The following TSPYL5 variants were observed in gnomAD, a reference collection of about 807,000 sequenced individuals.
TSPYL5 encodes TSPY like 5, also known as testis-specific Y-encoded-like protein 5.
For synonymous variants in TSPYL5, 276 were observed against 236.1 expected, an observed-to-expected ratio of 1.17 and a Z score of -1.55; for missense variants, 556 against 555.5, an observed-to-expected ratio of 1.00 and a Z score of -0.01.
rs1810498289 is a variant in TSPYL5 at position 97,275,480 on chromosome 8, A to G, written c.*1111T>C. ...GGGATGAAGGCAGGCAAGCAAAATAAGAAGTATAAGTGACCTGAAGTCAAG... is the reference window on the plus strand; with the variant it reads ...GGGATGAAGGCAGGCAAGCAAAATAGGAAGTATAAGTGACCTGAAGTCAAG... On this transcript the variant is annotated 3_prime_UTR_variant, in exon 1 of 1. Transcript: ENST00000322128. 1 of 152,158 alleles carries G rather than the reference A, an allele frequency of 6.6e-6. No individual in the cohort carries two copies. Among genetic ancestry groups the G allele is most frequent in the South Asian group, 2.1e-4 (1 of 4,814 alleles). 9.4% of individuals were successfully genotyped at this position (152,158 alleles called of 1,614,324 possible). A position where few individuals can be genotyped will look rare whatever the true frequency, so the allele number is the denominator to read the frequency against.
chr8:97,276,970 T>C lies in TSPYL5; in HGVS notation c.875A>G (p.Tyr292Cys). 6.2e-7 allele frequency: 1 copy of C among 1,614,218 alleles called. No individual in the cohort carries two copies. The highest frequency in any genetic ancestry group is 8.5e-7 in the Non-Finnish European group (1 of 1,180,038). Residue 292 changes from tyrosine to cysteine, a missense_variant, in exon 1 of 1, where the codon TAC (tyrosine) becomes TGC (cysteine). Transcript: ENST00000322128. ...GCGATCGAAGTAGAACTTGATTTTG[T>C]AGCCCAATCTGGCAAGGCCGAGCTC... ...VEELGLARLG[Y>C]KIKFYFDRNP...
Position 97,277,709 on chromosome 8 carries a change from C to T in TSPYL5, c.136G>A (p.Glu46Lys). 2 of 1,560,322 alleles carry T rather than the reference C, an allele frequency of 1.3e-6. No homozygotes were observed. Among genetic ancestry groups the T allele is most frequent in the Non-Finnish European group, 1.7e-6 (2 of 1,157,108 alleles). Residue 46 changes from glutamate to lysine, a missense_variant, in exon 1 of 1, where the codon GAA becomes AAA. Transcript: ENST00000322128. This position sits in a 1 kb window ranked among gnomAD's most constrained non-coding sequence, Gnocchi z 4.5. Reference protein sequence around the residue: ...PDPSQYQSLGEDTQAAQVQAG... With the variant: ...PDPSQYQSLGKDTQAAQVQAG... ...TGCACCTGTGCCGCCTGGGTGTCTT[C>T]CCCGAGACTCTGGTACTGTGAAGGG...
Position 97,274,725 on chromosome 8 carries a change from GCCTC to G in TSPYL5, c.*1862_*1865del, listed in dbSNP as rs1205367037. ...ACTCTCTTGAGGAACTTAGAATGAG[GCCTC>G]CCTAACAAAAGAGAAGGTAGGGAAG... On this transcript the variant is annotated 3_prime_UTR_variant, in exon 1 of 1. Coordinates refer to ENST00000322128, the MANE Select transcript of TSPYL5 (RefSeq NM_033512.3). 4 of 152,146 alleles carry G rather than the reference GCCTC, an allele frequency of 2.6e-5. No homozygotes were observed. The highest frequency in any genetic ancestry group is 7.2e-5 in the African/African-American group (3 of 41,424). 9.4% of individuals were successfully genotyped at this position (152,146 alleles called of 1,614,324 possible).
Position 97,277,171 on chromosome 8 carries a change from C to T in TSPYL5, c.674G>A (p.Arg225Gln). 1 of 1,611,614 alleles carries T rather than the reference C, an allele frequency of 6.2e-7. No homozygotes were observed. The highest frequency in any genetic ancestry group is 2.2e-5 in the East Asian group (1 of 44,884). The stretch of plus-strand genomic sequence containing the variant: ...CAACTGCCCAAACTTCCTGGAGAGC[C>T]GAAGGTAGGCCCTGTCCGCCTGGGC... ...MNAQADRAYL[R>Q]LSRKFGQLRL... The change falls in exon 1 of 1, where the codon CGG (arginine) becomes CAG (glutamine). Residue 225 changes from arginine (R) to glutamine (Q), a missense_variant. Arg to Gln is a conservative substitution (Grantham distance 43, BLOSUM62 1). Transcript: ENST00000322128. This position sits in a 1 kb window ranked among gnomAD's most constrained non-coding sequence, Gnocchi z 4.5.
Position 97,277,853 on chromosome 8 carries a change from C to T in TSPYL5, c.-9G>A, listed in dbSNP as rs991843117. 32 of 1,427,172 alleles carry T rather than the reference C, an allele frequency of 2.2e-5. No individual in the cohort carries two copies. Among genetic ancestry groups the T allele is most frequent in the Non-Finnish European group, 2.7e-5 (29 of 1,093,386 alleles). 88.4% of individuals were successfully genotyped at this position (1,427,172 alleles called of 1,614,324 possible). On this transcript the variant is annotated 5_prime_UTR_variant, in exon 1 of 1. Coordinates refer to ENST00000322128, the MANE Select transcript of TSPYL5 (RefSeq NM_033512.3). This position sits in a 1 kb window ranked among gnomAD's most constrained non-coding sequence, Gnocchi z 4.5. Reference sequence around the variant, plus strand: ...CGACTTCGGCCGCTCATGGTGGCGGCGGAGGCAGCTTCAAAGACACGCTGT... The same window carrying T: ...CGACTTCGGCCGCTCATGGTGGCGGTGGAGGCAGCTTCAAAGACACGCTGT...
At position 97,275,082 on chromosome 8, in the gene TSPYL5, CAA is replaced by C. The variant is rs1163513425; in HGVS notation, c.*1507_*1508del. ...AGGAAGCATTAAAACAAAGTCAAAA[CAA>C]GAGTAAACACTAGTCTATGACATGG... On this transcript the variant is annotated 3_prime_UTR_variant, in exon 1 of 1. Coordinates refer to ENST00000322128, the MANE Select transcript of TSPYL5 (RefSeq NM_033512.3). 2 of 152,360 alleles carry C rather than the reference CAA, an allele frequency of 1.3e-5. No homozygotes were observed. Among genetic ancestry groups the C allele is most frequent in the African/African-American group, 4.8e-5 (2 of 41,416 alleles). The allele number at this position is 152,360 out of a possible 1,614,324, so 9.4% of individuals were successfully genotyped here.
Position 97,274,640 on chromosome 8 carries a change from T to A in TSPYL5, c.*1951A>T, listed in dbSNP as rs1810483412. Reference sequence around the variant, plus strand: ...CACTCCATACCAGTATCATGCCTACTCGACGGTTTTGCTCCAAATCCCCCA... The same window carrying A: ...CACTCCATACCAGTATCATGCCTACACGACGGTTTTGCTCCAAATCCCCCA... On this transcript the variant is annotated 3_prime_UTR_variant, in exon 1 of 1. Coordinates refer to ENST00000322128, the MANE Select transcript of TSPYL5 (RefSeq NM_033512.3). The A allele has an allele frequency of 6.6e-6, 1 of 152,182 alleles. No homozygotes were observed. The highest frequency in any genetic ancestry group is 1.5e-5 in the Non-Finnish European group (1 of 68,048). 9.4% of individuals were successfully genotyped at this position (152,182 alleles called of 1,614,324 possible).
rs1810508519 is a variant in TSPYL5 at position 97,276,086 on chromosome 8, C to T, written c.*505G>A. 1 of 156,160 alleles carries T rather than the reference C, an allele frequency of 6.4e-6. No individual in the cohort carries two copies. The highest frequency in any genetic ancestry group is 6.3e-5 in the Admixed American group (1 of 15,946). 9.7% of individuals were successfully genotyped at this position (156,160 alleles called of 1,614,324 possible). A position where few individuals can be genotyped will look rare whatever the true frequency, so the allele number is the denominator to read the frequency against. ...TGACATCTCAGCTGGTGACCCCAGA[C>T]CCACAGAACAGGAAGTTCTGGCTGA... is the stretch of plus-strand genomic sequence containing the variant. On this transcript the variant is annotated 3_prime_UTR_variant, in exon 1 of 1. Transcript: ENST00000322128.
In TSPYL5 at chr8:97,276,622, G is replaced by C. The variant is rs1327420070; in HGVS notation, c.1223C>G (p.Thr408Ser). 6.2e-7 allele frequency: 1 copy of C among 1,613,894 alleles called. No individual in the cohort carries two copies. The highest frequency in any genetic ancestry group is 1.3e-5 in the African/African-American group (1 of 74,916). Residue 408 changes from threonine to serine, a missense_variant, in exon 1 of 1, where the codon ACT (threonine) becomes AGT (serine). By Grantham distance (58) the Thr-to-Ser change is moderately conservative (BLOSUM62 1). Transcript: ENST00000322128. ...RQGPGKQPME[T>S]TQPGVSQSN ...GGATTGGCTCACCCCAGGCTGAGTA[G>C]TCTCCATTGGCTGCTTTCCTGGACC...
rs757479025 is a variant in TSPYL5 at position 97,276,718 on chromosome 8, T to C, written c.1127A>G (p.Asn376Ser). The C allele has an allele frequency of 1.9e-5, 31 of 1,614,084 alleles. No homozygotes were observed. The highest frequency in any genetic ancestry group is 3.3e-5 in the Admixed American group (2 of 60,006). Reference sequence around the variant, plus strand: ...ACTCAAAAGGTAGAACTGCAAGGGATTGGGCCACAATTCTTCGTTGATTAT... The same window carrying C: ...ACTCAAAAGGTAGAACTGCAAGGGACTGGGCCACAATTCTTCGTTGATTAT... ...VEIINEELWP[N>S]PLQFYLLSEG... is the part of the protein sequence containing the mutation. The change falls in exon 1 of 1, where the codon AAT (asparagine) becomes AGT (serine). Residue 376 changes from asparagine (N) to serine (S), a missense_variant. Physicochemically the swap from Asn to Ser is conservative, Grantham distance 46. Transcript: ENST00000322128.
chr8:97,276,414 T>G lies in TSPYL5; in HGVS notation c.*177A>C. Reference sequence around the variant, plus strand: ...GATCACATAACATGTGACACTAACGTAGAAAAGCAAGAGGCTATGGGAGGC... The same window carrying G: ...GATCACATAACATGTGACACTAACGGAGAAAAGCAAGAGGCTATGGGAGGC... On this transcript the variant is annotated 3_prime_UTR_variant, in exon 1 of 1. Transcript: ENST00000322128. The G allele has an allele frequency of 1.2e-6, 1 of 801,940 alleles. No individual in the cohort carries two copies. The highest frequency in any genetic ancestry group is 2.4e-5 in the Admixed American group (1 of 41,774). 49.7% of individuals were successfully genotyped at this position (801,940 alleles called of 1,614,324 possible).
In TSPYL5 at chr8:97,277,831, C is replaced by T. The variant is rs1406965568; in HGVS notation, c.14G>A (p.Ser5Asn). Residue 5 changes from serine to asparagine, a missense_variant, in exon 1 of 1, where the codon AGT becomes AAT. By Grantham distance (46) the Ser-to-Asn change is conservative (BLOSUM62 1). Coordinates refer to ENST00000322128, the MANE Select transcript of TSPYL5 (RefSeq NM_033512.3). The surrounding 1 kb of genome is among the most constrained non-coding windows in gnomAD (Gnocchi z 4.5). MSGR[S>N]RGRKSSRAKN... ...GGCGCGGGAGGACTTTCGACCCCGA[C>T]TTCGGCCGCTCATGGTGGCGGCGGA... The T allele has an allele frequency of 2.1e-6, 3 of 1,451,314 alleles. No individual in the cohort carries two copies. The highest frequency in any genetic ancestry group is 2.5e-5 in the Admixed American group (1 of 40,644). 89.9% of individuals were successfully genotyped at this position (1,451,314 alleles called of 1,614,324 possible). A position where few individuals can be genotyped will look rare whatever the true frequency, so the allele number is the denominator to read the frequency against.
rs1170540698 is a variant in TSPYL5 at position 97,274,794 on chromosome 8, A to G, written c.*1797T>C. 1 of 152,174 alleles carries G rather than the reference A, an allele frequency of 6.6e-6. No individual in the cohort carries two copies. Among genetic ancestry groups the G allele is most frequent in the Non-Finnish European group, 1.5e-5 (1 of 68,052 alleles). The allele number at this position is 152,174 out of a possible 1,614,324, so 9.4% of individuals were successfully genotyped here. ...CAGTCCTTCTTACCCACCCTCAGGG[A>G]TAAGAGAGGGAAAGGCCCAGCTCTG... On this transcript the variant is annotated 3_prime_UTR_variant, in exon 1 of 1. Coordinates refer to ENST00000322128, the MANE Select transcript of TSPYL5 (RefSeq NM_033512.3).
In TSPYL5 at chr8:97,274,793, GA is replaced by G. The variant is rs1374079745; in HGVS notation, c.*1797del. ...ACAGTCCTTCTTACCCACCCTCAGG[GA>G]TAAGAGAGGGAAAGGCCCAGCTCTG... On this transcript the variant is annotated 3_prime_UTR_variant, in exon 1 of 1. Coordinates refer to ENST00000322128, the MANE Select transcript of TSPYL5 (RefSeq NM_033512.3). 6.6e-6 allele frequency: 1 copy of G among 151,922 alleles called. No homozygotes were observed. Among genetic ancestry groups the G allele is most frequent in the Non-Finnish European group, 1.5e-5 (1 of 67,990 alleles). 9.4% of individuals were successfully genotyped at this position (151,922 alleles called of 1,614,324 possible). A position where few individuals can be genotyped will look rare whatever the true frequency, so the allele number is the denominator to read the frequency against.
chr8:97,276,237 G>A lies in TSPYL5; in HGVS notation c.*354C>T. 4.3e-6 allele frequency: 1 copy of A among 229,968 alleles called. No individual in the cohort carries two copies. The highest frequency in any genetic ancestry group is 8.5e-6 in the Non-Finnish European group (1 of 118,038). The allele number at this position is 229,968 out of a possible 1,614,324, so 14.2% of individuals were successfully genotyped here. On this transcript the variant is annotated 3_prime_UTR_variant, in exon 1 of 1. Transcript: ENST00000322128. ...CTGGCCCTGAAGGAGCAGAGCTTGAGGATGCACTGGTCGTCCTGGAGGATG... is the reference window on the plus strand; with the variant it reads ...CTGGCCCTGAAGGAGCAGAGCTTGAAGATGCACTGGTCGTCCTGGAGGATG...
Position 97,276,356 on chromosome 8 carries a change from T to C in TSPYL5, c.*235A>G. 1.9e-6 allele frequency: 1 copy of C among 540,224 alleles called. No individual in the cohort carries two copies. The allele number at this position is 540,224 out of a possible 1,614,324, so 33.5% of individuals were successfully genotyped here. On this transcript the variant is annotated 3_prime_UTR_variant, in exon 1 of 1. Transcript: ENST00000322128. ...GATAACAGGGAGCACACATCTAAAG[T>C]ATGTGTGCTTAACATATGAACAGTC...
In TSPYL5 at chr8:97,277,394, C is replaced by G. The variant is rs1563629291; in HGVS notation, c.451G>C (p.Glu151Gln). ...RRGPAGKKAP[E>Q]TCSTAGRGPQ... Reference sequence around the variant, plus strand: ...CCCCTCCCCGCGGTGCTACAGGTTTCTGGGGCCTTCTTCCCGGCAGGGCCA... The same window carrying G: ...CCCCTCCCCGCGGTGCTACAGGTTTGTGGGGCCTTCTTCCCGGCAGGGCCA... The change falls in exon 1 of 1, where the codon GAA (glutamate) becomes CAA (glutamine). Residue 151 changes from glutamate (E) to glutamine (Q), a missense_variant. Coordinates refer to ENST00000322128, the MANE Select transcript of TSPYL5 (RefSeq NM_033512.3). The surrounding 1 kb of genome is among the most constrained non-coding windows in gnomAD (Gnocchi z 4.5). 1 of 1,585,118 alleles carries G rather than the reference C, an allele frequency of 6.3e-7. No homozygotes were observed. Among genetic ancestry groups the G allele is most frequent in the Non-Finnish European group, 8.6e-7 (1 of 1,167,648 alleles).
Position 97,276,968 on chromosome 8 carries a change from T to C in TSPYL5, c.877A>G (p.Lys293Glu). Residue 293 changes from lysine (K) to glutamate (E), a missense_variant, in exon 1 of 1, where the codon AAA becomes GAA. By Grantham distance (56) the Lys-to-Glu change is moderately conservative. Transcript: ENST00000322128. ...TTGCGATCGAAGTAGAACTTGATTT[T>C]GTAGCCCAATCTGGCAAGGCCGAGC... is the stretch of plus-strand genomic sequence containing the variant. Reference protein sequence around the residue: ...EELGLARLGYKIKFYFDRNPY... With the variant: ...EELGLARLGYEIKFYFDRNPY... The C allele has an allele frequency of 6.2e-7, 1 of 1,614,220 alleles. No homozygotes were observed. The highest frequency in any genetic ancestry group is 8.5e-7 in the Non-Finnish European group (1 of 1,180,042).
In TSPYL5 at chr8:97,277,590, A is replaced by T. The variant is rs1810550020; in HGVS notation, c.255T>A (p.Cys85Ter). 4.8e-6 allele frequency: 7 copies of T among 1,462,684 alleles called. No individual in the cohort carries two copies. In the South Asian group the frequency reaches 1.0e-4, roughly 21 times the overall value. 90.6% of individuals were successfully genotyped at this position (1,462,684 alleles called of 1,614,324 possible). A position where few individuals can be genotyped will look rare whatever the true frequency, so the allele number is the denominator to read the frequency against. ...EEAACRLPLD[C>*]GLALRARAAG... is the part of the protein sequence containing the mutation. ...CAGCTCGGGCCCGCAGCGCGAGGCC[A>T]CAGTCCAGGGGGAGCCGGCAGGCGG... The change falls in exon 1 of 1, where the codon TGT (cysteine) becomes TGA (stop). Residue 85 changes from cysteine (C) to a stop codon, truncating the protein, a stop_gained. Coordinates refer to ENST00000322128, the MANE Select transcript of TSPYL5 (RefSeq NM_033512.3). LOFTEE classifies it low-confidence loss of function (END_TRUNC). The surrounding 1 kb of genome is among the most constrained non-coding windows in gnomAD (Gnocchi z 4.5).
Sources: gnomAD v4.1 joint callset for allele counts on GRCh38, gnomAD v4.1.1 for gene constraint, Gnocchi (gnomAD v3.1) non-coding constraint, MANE v1.5 for transcripts, NCBI Gene and HGNC (gene_info 2026-07-23, HGNC 2026-07-21) for gene names.